TLE4: variants seen among roughly 807,000 people sequenced by gnomAD.
TLE4 encodes the protein TLE family member 4, transcriptional corepressor.
TLE4 carries 8 observed loss-of-function variants against 92.8 expected under a neutral mutation model. That is an observed-to-expected ratio of 0.09 (90% CI 0.05 to 0.16). The LOEUF is 0.16. Among genes scored for constraint, TLE4 ranks in the 10% least tolerant of loss-of-function variants. TLE4 has a pLI of 1.00. For synonymous variants in TLE4, 371 were observed against 374.1 expected, an observed-to-expected ratio of 0.99 and a Z score of 0.10; for missense variants, 675 against 997.6, an observed-to-expected ratio of 0.68 and a Z score of 4.36.
In TLE4 at chr9:79,663,050, G is replaced by T. The variant is rs969072629; in HGVS notation, c.609+8975G>T. Among the ~76,000 whole-genome samples, 66 of 126,036 alleles carry T rather than the reference G, an allele frequency of 5.2e-4. 1 individual carries two copies. Among genetic ancestry groups the T allele is most frequent in the Admixed American group, 3.4e-3 (44 of 13,090 alleles). The allele number at this position is 126,036 out of a possible 152,430, so 82.7% of individuals were successfully genotyped here. A position where few individuals can be genotyped will look rare whatever the true frequency, so the allele number is the denominator to read the frequency against. On this transcript the variant is annotated intron_variant, in intron 8 of 19. Transcript: ENST00000376552. ...GTGATTTTAACCTCCCAACCTGGGT[G>T]GGGGTGGGGGTGGGGGTGGGGGTGG...
chr9:79,592,588 T>C (rs2132365567), intron 4 of TLE4, among the ~76,000 whole-genome samples: 1 of 152,252 alleles, frequency 6.6e-6, no homozygotes, highest in African/African-American at 2.4e-5. Flanking sequence ...CAGCCAGAGA[T>C]AGTTTCTGTC....
chr9:79,609,879 T>C (rs2047973793), intron 4 of TLE4, among the ~76,000 whole-genome samples: 1 of 152,104 alleles, frequency 6.6e-6, no homozygotes, highest in Non-Finnish European at 1.5e-5. Context: ...CGTAGCCTGA[T>C]GGATAGCAGA....
intron 4 of TLE4, among the ~76,000 whole-genome samples, chr9:79,612,229 T>A (rs754785168): frequency 2.0e-5 from 3 of 152,102 alleles, no homozygotes; most frequent in Non-Finnish European, 4.4e-5. Flanking sequence ...GCCACAAATA[T>A]AGAAATCCAA....
intron 4 of TLE4, among the ~76,000 whole-genome samples, chr9:79,607,513 A>G (rs1409328250): frequency 1.3e-5 from 2 of 152,128 alleles, no homozygotes; most frequent in Admixed American, 6.5e-5. Context: ...TAGGTCTTAC[A>G]CTTAAGTCTT....
chr9:79,635,111 C>G (rs1452563223), intron 6 of TLE4, among the ~76,000 whole-genome samples: 2 of 152,144 alleles, frequency 1.3e-5, no homozygotes, highest in African/African-American at 2.4e-5. Flanking sequence ...GAAAACCTTT[C>G]CTCTACATCT....
At chr9:79,706,398 T>C (rs562624064) in intron 10 of TLE4, among the ~76,000 whole-genome samples, 2 of 152,182 alleles carry the variant, frequency 1.3e-5, no homozygotes, top group East Asian at 3.9e-4. Flanking sequence ...TGATCTTTTT[T>C]TTTTTCATTG....
chr9:79,603,385 A>G (rs2046094409), intron 4 of TLE4, among the ~76,000 whole-genome samples: 2 of 152,262 alleles, frequency 1.3e-5, no homozygotes, highest in African/African-American at 2.4e-5. Context: ...TTCAGCAACC[A>G]CCACCCTGAT....
At chr9:79,700,642 A>G (rs1036819876) in intron 8 of TLE4, among the ~76,000 whole-genome samples, 10 of 152,052 alleles carry the variant, frequency 6.6e-5, no homozygotes, top group African/African-American at 2.4e-4. Flanking sequence ...ATCCTTTAGT[A>G]TTTTTTTCTT....
At chr9:79,669,527 G>A (rs891469121) in intron 8 of TLE4, among the ~76,000 whole-genome samples, 4 of 149,678 alleles carry the variant, frequency 2.7e-5, no homozygotes, top group Non-Finnish European at 5.9e-5. Context: ...CTTTTTTTTT[G>A]GCCTGCAGTT....
At chr9:79,585,759 A>C (rs1249820001) in intron 4 of TLE4, among the ~76,000 whole-genome samples, 2 of 152,030 alleles carry the variant, frequency 1.3e-5, no homozygotes, top group Non-Finnish European at 2.9e-5. Flanking sequence ...AGAAATGTAT[A>C]TTTATATACT....
intron 14 of TLE4, among the ~76,000 whole-genome samples, chr9:79,716,169 G>A (rs2074457459): frequency 1.3e-5 from 2 of 152,034 alleles, no homozygotes; most frequent in African/African-American, 4.8e-5. Context: ...TTTTTAGTTT[G>A]GCCTTGCCTG....
chr9:79,693,760 A>C lies in TLE4; in HGVS notation c.610-11023A>C. The C allele has an allele frequency of 4.7e-6, 2 of 421,138 alleles. 1 individual carries two copies. The highest frequency in any genetic ancestry group is 1.4e-4 in the East Asian group (2 of 14,162). The allele number at this position is 421,138 out of a possible 1,614,324, so 26.1% of individuals were successfully genotyped here. On this transcript the variant is annotated intron_variant, in intron 8 of 19. Transcript: ENST00000376552. ...AAGTGCATCATGTCCTTCGAACCATATTTAGTATTAAATAGCAAAAGCGCA... is the reference window on the plus strand; with the variant it reads ...AAGTGCATCATGTCCTTCGAACCATCTTTAGTATTAAATAGCAAAAGCGCA...
intron 1 of TLE4, 121 bp from the exon 2 acceptor site, chr9:79,573,566 ATC>A (rs1005119380): frequency 1.8e-5 from 16 of 867,326 alleles, no homozygotes; most frequent in South Asian, 2.6e-5. Context: ...GAGAGTTTTA[ATC>A]TCTCTTTGCT....
At position 79,613,380 on chromosome 9, in the gene TLE4, A is replaced by G. The variant is rs138619690; in HGVS notation, c.315+662A>G. 2.6e-3 allele frequency among the ~76,000 whole-genome samples: 402 copies of G among 152,106 alleles called. 5 individuals carry two copies. In the South Asian group the frequency reaches 0.045, roughly 17 times the overall value. Reference sequence around the variant, plus strand: ...CAGGGGAAGTGCATGCCATCAGCAAACAGGCACAGGTTGGAATAAAGCGAT... The same window carrying G: ...CAGGGGAAGTGCATGCCATCAGCAAGCAGGCACAGGTTGGAATAAAGCGAT... On this transcript the variant is annotated intron_variant, in intron 5 of 19. Coordinates refer to ENST00000376552, the MANE Select transcript of TLE4 (RefSeq NM_007005.6).
intron 4 of TLE4, among the ~76,000 whole-genome samples, chr9:79,588,169 G>A (rs564392142): frequency 2.0e-5 from 2 of 98,602 alleles, no homozygotes; most frequent in African/African-American, 1.0e-4. Flanking sequence ...TGTGTTTTGA[G>A]ATAGAGTCTC....
intron 8 of TLE4, among the ~76,000 whole-genome samples, chr9:79,700,069 A>G (rs923247600): frequency 5.9e-5 from 9 of 152,226 alleles, no homozygotes; most frequent in African/African-American, 2.2e-4. Flanking sequence ...TGATAGGACT[A>G]AGTTGCACTG....
At chr9:79,633,407 T>G (rs1564524371) in intron 6 of TLE4, among the ~76,000 whole-genome samples, 1 of 152,188 alleles carries the variant, frequency 6.6e-6, no homozygotes, top group Non-Finnish European at 1.5e-5. Context: ...TGTTTGGAGC[T>G]GAGCCATCCT....
intron 6 of TLE4, among the ~76,000 whole-genome samples, chr9:79,650,587 C>T (rs1414033171): frequency 1.3e-5 from 2 of 152,118 alleles, no homozygotes; most frequent in Non-Finnish European, 2.9e-5. Context: ...ATTTTGTGTG[C>T]ATACTTTTTG....
chr9:79,573,960 A>G (rs755094911), intron 2 of TLE4, 174 bp downstream of exon 2: 3 of 411,252 alleles, frequency 7.3e-6, no homozygotes, highest in Non-Finnish European at 1.3e-5. Flanking sequence ...GCAGGTGTAA[A>G]TAAATTAAAC....
Sources: gnomAD v4.1 joint callset for allele counts (sites outside exome capture counted in the v4.1 genomes callset) on GRCh38, gnomAD v4.1.1 for gene constraint, MANE v1.5 for transcripts, NCBI Gene and HGNC (gene_info 2026-07-23, HGNC 2026-07-21) for gene names.